Variants in TRPS1 observed in about 807,000 individuals in gnomAD.
The protein encoded by TRPS1 is zinc finger transcription factor Trps1.
In TRPS1, 6 loss-of-function variants were observed where a neutral mutation model predicts 101.2. The observed-to-expected ratio is 0.06, with a 90% CI of 0.03 to 0.12. The LOEUF (loss-of-function observed/expected upper bound fraction) is 0.12, where lower values mean the gene tolerates loss of function less well. TRPS1 is among the 10% of genes least tolerant of loss of function. TRPS1 has a pLI of 1.00. For missense variants in TRPS1, 1,363 were observed against 1,567.0 expected, an observed-to-expected ratio of 0.87 and a Z score of 2.20; for synonymous variants, 578 against 589.8, an observed-to-expected ratio of 0.98 and a Z score of 0.29.
chr8:115,526,173 G>C (rs1022152596), intron 5 of TRPS1, among the ~76,000 whole-genome samples: 1 of 152,092 alleles, frequency 6.6e-6, no homozygotes, highest in Non-Finnish European at 1.5e-5. Context: ...GTCAGGTGTG[G>C]TAGTGCGTGC....
chr8:115,657,366 T>A (rs892920084), intron 1 of TRPS1, among the ~76,000 whole-genome samples: 1 of 152,164 alleles, frequency 6.6e-6, no homozygotes, highest in African/African-American at 2.4e-5. Flanking sequence ...TATTCTAGTT[T>A]GCGTTACTCC....
intron 3 of TRPS1, among the ~76,000 whole-genome samples, chr8:115,615,750 G>C (rs189098159): frequency 6.6e-6 from 1 of 152,082 alleles, no homozygotes; most frequent in South Asian, 2.1e-4. Context: ...GACAGAGTGA[G>C]ATCTCCATCT....
intron 5 of TRPS1, among the ~76,000 whole-genome samples, chr8:115,511,920 T>G (rs1357215477): frequency 6.6e-6 from 1 of 151,836 alleles, no homozygotes; most frequent in Non-Finnish European, 1.5e-5. Context: ...TAAATCTTAA[T>G]ATGAATCTTA....
chr8:115,479,138 A>C (rs1355806292), intron 5 of TRPS1, among the ~76,000 whole-genome samples: 1 of 152,054 alleles, frequency 6.6e-6, no homozygotes, highest in Non-Finnish European at 1.5e-5. Flanking sequence ...AAAATCATTA[A>C]ACAATAAGTA....
At chr8:115,569,102 T>C (rs1027933539) in intron 5 of TRPS1, among the ~76,000 whole-genome samples, 3 of 152,128 alleles carry the variant, frequency 2.0e-5, no homozygotes, top group Non-Finnish European at 4.4e-5. Flanking sequence ...CCCCGTAAAC[T>C]ACCCAGACAA....
At chr8:115,482,119 A>G (rs745565307) in intron 5 of TRPS1, among the ~76,000 whole-genome samples, 2 of 152,170 alleles carry the variant, frequency 1.3e-5, no homozygotes, top group Non-Finnish European at 2.9e-5. Context: ...CTGCAAGTTG[A>G]TCTATTTTGG....
intron 3 of TRPS1, among the ~76,000 whole-genome samples, chr8:115,611,682 A>G (rs1301138086): frequency 6.6e-6 from 1 of 152,222 alleles, no homozygotes; most frequent in Non-Finnish European, 1.5e-5. Context: ...TTTCAGGTGA[A>G]GGAAACAAAA....
chr8:115,521,236 G>A (rs939862530), intron 5 of TRPS1, among the ~76,000 whole-genome samples: 4 of 151,920 alleles, frequency 2.6e-5, no homozygotes, highest in African/African-American at 9.6e-5. Flanking sequence ...AGTTGGTGAC[G>A]GCAATGATAG....
At chr8:115,465,844 A>C (rs1814303993) in intron 5 of TRPS1, among the ~76,000 whole-genome samples, 1 of 152,142 alleles carries the variant, frequency 6.6e-6, no homozygotes, top group Non-Finnish European at 1.5e-5. Context: ...TAACTTGTAA[A>C]ATTAATTGGA....
At chr8:115,513,593 A>C (rs1156842428) in intron 5 of TRPS1, among the ~76,000 whole-genome samples, 1 of 151,660 alleles carries the variant, frequency 6.6e-6, no homozygotes, top group Non-Finnish European at 1.5e-5. Flanking sequence ...GTTTATTGAA[A>C]ACCAGTAATA....
chr8:115,650,527 G>T (rs779022617), intron 1 of TRPS1, among the ~76,000 whole-genome samples: 7 of 152,108 alleles, frequency 4.6e-5, no homozygotes, highest in Non-Finnish European at 7.3e-5. Flanking sequence ...TAATATTTAG[G>T]TGCTTAACAG....
intron 1 of TRPS1, among the ~76,000 whole-genome samples, chr8:115,659,182 T>C (rs1188898866): frequency 1.3e-5 from 2 of 151,964 alleles, no homozygotes; most frequent in Non-Finnish European, 2.9e-5. Context: ...GAGAAACATC[T>C]CTTAGTGTTG....
At chr8:115,500,750 G>GTT (rs1815297163) in intron 5 of TRPS1, among the ~76,000 whole-genome samples, 2 of 151,420 alleles carry the variant, frequency 1.3e-5, no homozygotes. Flanking sequence ...TTTTGTGTGT[G>GTT]TTTTTAGTAG....
Position 115,414,245 on chromosome 8 carries a change from A to G in TRPS1, c.3663T>C (p.Ser1221=). 1 of 1,613,988 alleles carries G rather than the reference A, an allele frequency of 6.2e-7. No individual in the cohort carries two copies. Among genetic ancestry groups the G allele is most frequent in the Non-Finnish European group, 8.5e-7 (1 of 1,179,948 alleles). The change falls in exon 7 of 7, where the codon AGT becomes AGC. Residue 1221 remains serine, a synonymous_variant. Coordinates refer to ENST00000395715, the MANE Select transcript of TRPS1 (RefSeq NM_014112.5). This position sits in a 1 kb window ranked among gnomAD's most constrained non-coding sequence, Gnocchi z 4.8. ...NVVKTEKVDR[S]TQDELSTKCV... is the part of the protein sequence containing the mutation. The stretch of plus-strand genomic sequence containing the variant: ...ATTTTGTTGAAAGTTCATCTTGAGT[A>G]CTTCTATCAACTTTCTCTGTTTTTA...
intron 5 of TRPS1, among the ~76,000 whole-genome samples, chr8:115,524,887 G>A (rs1021156852): frequency 2.0e-5 from 3 of 152,068 alleles, no homozygotes; most frequent in Admixed American, 6.6e-5. Context: ...ATAGATATAT[G>A]TAACACTATA....
chr8:115,554,474 G>A (rs920719597), intron 5 of TRPS1, among the ~76,000 whole-genome samples: 2 of 151,992 alleles, frequency 1.3e-5, no homozygotes, highest in African/African-American at 4.8e-5. Context: ...AAAACATCAC[G>A]ATAAAACAAT....
At position 115,604,433 on chromosome 8, in the gene TRPS1, G is replaced by C. The variant is rs1817984598; in HGVS notation, c.1536C>G (p.Asp512Glu). The change falls in exon 4 of 7, where the codon GAC (aspartate) becomes GAG (glutamate). Residue 512 changes from aspartate to glutamate, a missense_variant. By Grantham distance (45) the Asp-to-Glu change is conservative (BLOSUM62 2). Transcript: ENST00000395715. This position sits in a 1 kb window ranked among gnomAD's most constrained non-coding sequence, Gnocchi z 4.1. ...TCTTTTTAGCCCCACTCGAGCTCTT[G>C]TCTGTCTTGGTCATTGTCTCTCCTT... ...SSEGETMTKTDKSSSGAKKKD... is the reference protein window; with the variant it reads ...SSEGETMTKTEKSSSGAKKKD... 1 of 1,614,034 alleles carries C rather than the reference G, an allele frequency of 6.2e-7. No homozygotes were observed. Among genetic ancestry groups the C allele is most frequent in the East Asian group, 2.2e-5 (1 of 44,862 alleles).
At chr8:115,640,750 C>G (rs1818877150) in intron 1 of TRPS1, among the ~76,000 whole-genome samples, 1 of 152,162 alleles carries the variant, frequency 6.6e-6, no homozygotes, top group African/African-American at 2.4e-5. Flanking sequence ...AGGGCGTAGT[C>G]TATGTTCAAA....
intron 5 of TRPS1, among the ~76,000 whole-genome samples, chr8:115,570,685 ACACT>A (rs950599498): frequency 5.6e-5 from 2 of 36,020 alleles, no homozygotes; most frequent in Non-Finnish European, 9.9e-5. Flanking sequence ...AAACACACAC[ACACT>A]CACACACACA....
Sources: allele counts gnomAD v4.1 joint callset (sites outside exome capture counted in the v4.1 genomes callset), GRCh38; gene constraint gnomAD v4.1.1; non-coding constraint Gnocchi (gnomAD v3.1); transcripts MANE v1.5; gene names NCBI Gene and HGNC (gene_info 2026-07-23, HGNC 2026-07-21).